The following SLC39A6 variants were observed in gnomAD, a reference collection of about 807,000 sequenced individuals.
The protein encoded by SLC39A6 is zinc transporter ZIP6.
Under a neutral mutation model 63.5 loss-of-function variants are expected in SLC39A6, and 51 were observed. That is an observed-to-expected ratio of 0.80 (90% confidence interval 0.64 to 1.01). The LOEUF (loss-of-function observed/expected upper bound fraction) is 1.01. SLC39A6 is among the 50% of genes least tolerant of loss of function. The pLI is 0.00. For missense variants in SLC39A6, 805 were observed against 927.8 expected (o/e 0.87, Z 1.72); for synonymous variants, 318 against 324.7 (o/e 0.98, Z 0.22).
Position 36,122,173 on chromosome 18 carries a change from T to C in SLC39A6, c.1238A>G (p.Glu413Gly). ...CGTGGAATCAAAATAGGCACTTTCT[T>C]CTATGTTTTGAGAAGACAGATGACT... Reference protein sequence around the residue: ...LFSHLSSQNIEESAYFDSTWK... With the variant: ...LFSHLSSQNIGESAYFDSTWK... Residue 413 changes from glutamate (E) to glycine (G), a missense_variant, in exon 5 of 10, where the codon GAA becomes GGA. This residue lies in a region of SLC39A6 where 639 missense variants were observed against 644.0 expected (regional missense o/e 0.99). Transcript: ENST00000269187. 1 of 1,614,088 alleles carries C rather than the reference T, an allele frequency of 6.2e-7. No individual in the cohort carries two copies.
In SLC39A6 at chr18:36,122,364, GT is replaced by G. The variant is rs1467043038; in HGVS notation, c.1141-95del. 4.0e-5 allele frequency: 36 copies of G among 891,178 alleles called. No homozygotes were observed. In the Admixed American group the frequency reaches 7.4e-4, roughly 18 times the overall value. The allele number at this position is 891,178 out of a possible 1,614,324, so 55.2% of individuals were successfully genotyped here. ...GTAAGGTCAAAATTGAAATCATTCA[GT>G]TATGCAATTATTCAGATACTTCAGA... On this transcript the variant is annotated intron_variant, in intron 4 of 9. Coordinates refer to ENST00000269187, the MANE Select transcript of SLC39A6 (RefSeq NM_012319.4).
At chr18:36,124,487 G>A in intron 3 of SLC39A6, 33 bp downstream of exon 3, 1 of 1,393,566 alleles carries the variant, frequency 7.2e-7, no homozygotes, top group East Asian at 2.3e-5. Flanking sequence ...TGAATCTACT[G>A]AAATTGTTTT....
At chr18:36,122,813 G>A (rs1282153405) in intron 4 of SLC39A6, among the ~76,000 whole-genome samples, 2 of 152,182 alleles carry the variant, frequency 1.3e-5, no homozygotes, top group East Asian at 1.9e-4. Flanking sequence ...CCATACACAC[G>A]CCACTTTCTA....
At chr18:36,122,952 C>T (rs1373209704) in intron 4 of SLC39A6, among the ~76,000 whole-genome samples, 1 of 152,174 alleles carries the variant, frequency 6.6e-6, no homozygotes, top group African/African-American at 2.4e-5. Context: ...TTCCTTTTCC[C>T]ACATACTTGA....
At chr18:36,127,085 T>G in intron 1 of SLC39A6, 69 bp from the exon 2 acceptor site, 3 of 1,300,628 alleles carry the variant, frequency 2.3e-6, no homozygotes, top group South Asian at 3.0e-5. Context: ...AACCTCATAC[T>G]GAAAATTAAT....
intron 9 of SLC39A6, 100 bp downstream of exon 9, chr18:36,110,959 C>T (rs2089295072): frequency 1.3e-6 from 2 of 1,506,774 alleles, no homozygotes; most frequent in Admixed American, 2.3e-5. Context: ...GATTCCACTT[C>T]CTGCTCCCCC....
At chr18:36,121,639 C>T (rs1164836665) in intron 5 of SLC39A6, among the ~76,000 whole-genome samples, 1 of 152,158 alleles carries the variant, frequency 6.6e-6, no homozygotes, top group South Asian at 2.1e-4. Flanking sequence ...GTAAAAGTCA[C>T]ATACCCTTTA....
rs1300280257 is a variant in SLC39A6, at chr18:36,129,204, G to T, written c.-100C>A. ...CAGAGGGCTCGGAACGGGCCCACTG[G>T]TGTCTTCGAGAAATCTCTACCAGGC... is the stretch of plus-strand genomic sequence containing the variant. On this transcript the variant is annotated 5_prime_UTR_variant, in exon 1 of 10. Coordinates refer to ENST00000269187, the MANE Select transcript of SLC39A6 (RefSeq NM_012319.4). The T allele has an allele frequency of 3.9e-5, 6 of 154,732 alleles. No individual in the cohort carries two copies. Among genetic ancestry groups the T allele is most frequent in the African/African-American group, 1.4e-4 (6 of 41,472 alleles). 9.6% of individuals were successfully genotyped at this position (154,732 alleles called of 1,614,324 possible). A position where few individuals can be genotyped will look rare whatever the true frequency, so the allele number is the denominator to read the frequency against.
chr18:36,115,226 CG>C (rs1377405182), intron 6 of SLC39A6, among the ~76,000 whole-genome samples: 1 of 147,908 alleles, frequency 6.8e-6, no homozygotes, highest in Non-Finnish European at 1.5e-5. Flanking sequence ...CGGATCACAA[CG>C]TCAGGGGATC....
Position 36,122,125 on chromosome 18 carries a change from C to T in SLC39A6, c.1286G>A (p.Gly429Glu), listed in dbSNP as rs1201014830. The T allele has an allele frequency of 1.2e-6, 2 of 1,613,990 alleles. No homozygotes were observed. The highest frequency in any genetic ancestry group is 8.5e-7 in the Non-Finnish European group (1 of 1,179,950). Residue 429 changes from glycine (G) to glutamate (E), a missense_variant, in exon 5 of 10, where the codon GGA becomes GAA. By Grantham distance (98) the Gly-to-Glu change is moderately conservative. Coordinates refer to ENST00000269187, the MANE Select transcript of SLC39A6 (RefSeq NM_012319.4). ...AACAAGAAACATGAAATACAGGCCTCCTAGAGCTGTTAGACCCTTCCACGT... is the reference window on the plus strand; with the variant it reads ...AACAAGAAACATGAAATACAGGCCTTCTAGAGCTGTTAGACCCTTCCACGT... ...DSTWKGLTAL[G>E]GLYFMFLVEH...
intron 8 of SLC39A6, 54 bp downstream of exon 8, chr18:36,112,447 T>A: frequency 7.6e-7 from 1 of 1,310,710 alleles, no homozygotes; most frequent in South Asian, 1.2e-5. Flanking sequence ...CAAAAGCCAG[T>A]GACACTAGAA....
Position 36,109,358 on chromosome 18 carries a change from C to A in SLC39A6, c.*235G>T, listed in dbSNP as rs1427802076. 6 of 322,380 alleles carry A rather than the reference C, an allele frequency of 1.9e-5. No homozygotes were observed. The highest frequency in any genetic ancestry group is 3.4e-5 in the Non-Finnish European group (6 of 176,794). The allele number at this position is 322,380 out of a possible 1,614,324, so 20.0% of individuals were successfully genotyped here. A position where few individuals can be genotyped will look rare whatever the true frequency, so the allele number is the denominator to read the frequency against. ...CATGTCATGCCAAATCTCTTGTTTA[C>A]ATAATAAACTGGTAATACCGGTGAA... On this transcript the variant is annotated 3_prime_UTR_variant, in exon 10 of 10. Coordinates refer to ENST00000269187, the MANE Select transcript of SLC39A6 (RefSeq NM_012319.4).
Position 36,126,598 on chromosome 18 carries a change from G to A in SLC39A6, c.410C>T (p.Ser137Phe). ...DHHSHHNHAA[S>F]GKNKRKALCP... ...AAGAGCTTTTCGCTTATTTTTACCA[G>A]AAGCAGCATGATTATGGTGAGAGTG... Residue 137 changes from serine to phenylalanine, a missense_variant, in exon 2 of 10, where the codon TCT (serine) becomes TTT (phenylalanine). By Grantham distance (155) the Ser-to-Phe change is radical. Around this residue, in one of 4 missense-constraint regions of SLC39A6, gnomAD observed 639 missense variants for 644.0 expected, o/e 0.99. Coordinates refer to ENST00000269187, the MANE Select transcript of SLC39A6 (RefSeq NM_012319.4). 6.2e-7 allele frequency: 1 copy of A among 1,614,120 alleles called. No individual in the cohort carries two copies. The highest frequency in any genetic ancestry group is 8.5e-7 in the Non-Finnish European group (1 of 1,179,990).
chr18:36,113,235 C>T (rs1785918), intron 7 of SLC39A6, among the ~76,000 whole-genome samples: 45,199 of 151,676 alleles, frequency 0.3, 7,157 homozygotes, highest in Middle Eastern at 0.46. Context: ...GCTGGGACTA[C>T]AGGTGTGTAC....
At chr18:36,110,918 G>A in intron 9 of SLC39A6, 141 bp downstream of exon 9, 1 of 1,345,544 alleles carries the variant, frequency 7.4e-7, no homozygotes, top group South Asian at 1.5e-5. Flanking sequence ...TTGGGCTCAG[G>A]AATTTGAGAC....
chr18:36,119,147 C>G (rs922809719), intron 5 of SLC39A6, among the ~76,000 whole-genome samples: 1 of 152,154 alleles, frequency 6.6e-6, no homozygotes, highest in Admixed American at 6.5e-5. Context: ...GCTTGAAGAA[C>G]TCCCCATACT....
chr18:36,112,622 T>C (rs772886635), intron 7 of SLC39A6, 41 bp from the exon 8 acceptor site: 1 of 1,496,042 alleles, frequency 6.7e-7, no homozygotes, highest in Non-Finnish European at 9.3e-7. Context: ...CTACATTAAT[T>C]TGTGTTTTTT....
At chr18:36,123,413 C>CA in intron 4 of SLC39A6, 82 bp downstream of exon 4, 1 of 1,277,770 alleles carries the variant, frequency 7.8e-7, no homozygotes, top group Non-Finnish European at 1.1e-6. Context: ...ACATTTTATA[C>CA]AAAAAATTCT....
At chr18:36,119,531 G>A (rs1219247014) in intron 5 of SLC39A6, among the ~76,000 whole-genome samples, 1 of 151,692 alleles carries the variant, frequency 6.6e-6, no homozygotes, top group Non-Finnish European at 1.5e-5. Context: ...ATTAATATAT[G>A]TAATGTAAAA....
Sources: allele counts gnomAD v4.1 joint callset (sites outside exome capture counted in the v4.1 genomes callset), GRCh38; gene constraint gnomAD v4.1.1; regional missense constraint gnomAD v4.1.1; transcripts MANE v1.5; gene names NCBI Gene and HGNC (gene_info 2026-07-23, HGNC 2026-07-21).